Variants in BTAF1 observed in about 807,000 individuals in gnomAD.
BTAF1 encodes B-TFIID TATA-box binding protein associated factor 1.
Under a neutral mutation model 227.1 loss-of-function variants are expected in BTAF1, and 38 were observed. The observed-to-expected ratio is 0.17, with a 90% CI of 0.13 to 0.22. The LOEUF (loss-of-function observed/expected upper bound fraction) is 0.22. Ranked by LOEUF, BTAF1 falls within the 10% of genes least tolerant of loss-of-function variation. BTAF1 has a pLI of 1.00. For missense variants in BTAF1, 1,598 were observed against 2,204.0 expected (o/e 0.73, Z 5.51); for synonymous variants, 742 against 751.9 (o/e 0.99, Z 0.21).
At chr10:91,988,368 T>C (rs1848544040) in intron 19 of BTAF1, among the ~76,000 whole-genome samples, 3 of 152,250 alleles carry the variant, frequency 2.0e-5, no homozygotes, top group Non-Finnish European at 4.4e-5. Flanking sequence ...TTTAGGACAA[T>C]GTTTTTAAAC....
rs542449492 is a variant in BTAF1 at position 91,954,976 on chromosome 10, A to T, written c.701+1103A>T. 2.0e-5 allele frequency among the ~76,000 whole-genome samples: 3 copies of T among 152,372 alleles called. No individual in the cohort carries two copies. In the East Asian group the frequency reaches 5.8e-4, roughly 29 times the overall value. The stretch of plus-strand genomic sequence containing the variant: ...AAGCCTCGGAAAATAGGATTTGCAA[A>T]TGACAGAACTTTTTGTTATATGTAT... On this transcript the variant is annotated intron_variant, in intron 6 of 37. Transcript: ENST00000265990.
intron 14 of BTAF1, among the ~76,000 whole-genome samples, chr10:91,975,001 T>C (rs924914034): frequency 1.3e-5 from 2 of 152,252 alleles, no homozygotes; most frequent in African/African-American, 4.8e-5. Context: ...AGTGTGTTTG[T>C]ACGTGCTAGA....
chr10:91,970,430 G>A (rs1847208911), intron 14 of BTAF1, among the ~76,000 whole-genome samples: 1 of 152,184 alleles, frequency 6.6e-6, no homozygotes, highest in Admixed American at 6.5e-5. Flanking sequence ...GGTTGGGGAA[G>A]CCTCACAATC....
chr10:91,954,957 C>T (rs913186730), intron 6 of BTAF1, among the ~76,000 whole-genome samples: 1 of 152,042 alleles, frequency 6.6e-6, no homozygotes, highest in Non-Finnish European at 1.5e-5. Context: ...TAAAAAGCCT[C>T]GGAAAATAGG....
chr10:91,951,540 TCAG>T lies in BTAF1; in HGVS notation c.541_543del (p.Ala181del). On this transcript the variant is annotated inframe_deletion, in exon 5 of 38. Transcript: ENST00000265990. ...TGAGGATTTGGATTATACCCCAACT[TCAG>T]CATCCTTTGTTAACAAACAACCTGT... 1 of 1,603,510 alleles carries T rather than the reference TCAG, an allele frequency of 6.2e-7. No homozygotes were observed. The highest frequency in any genetic ancestry group is 8.5e-7 in the Non-Finnish European group (1 of 1,176,952).
At position 91,948,863 on chromosome 10, in the gene BTAF1, G is replaced by A. The variant is rs1048978566; in HGVS notation, c.401-2540G>A. ...TGGGCTGAAGCAATCCTCCTGCCTC[G>A]GCCTCCCAGACGGTTGGGATTACAG... On this transcript the variant is annotated intron_variant, in intron 4 of 37. Transcript: ENST00000265990. 5.7e-4 allele frequency among the ~76,000 whole-genome samples: 87 copies of A among 151,926 alleles called. 1 individual carries two copies. The highest frequency in any genetic ancestry group is 1.9e-4 in the Non-Finnish European group (13 of 68,002).
chr10:92,017,945 T>A (rs1850855292), intron 33 of BTAF1, among the ~76,000 whole-genome samples: 1 of 152,196 alleles, frequency 6.6e-6, no homozygotes, highest in South Asian at 2.1e-4. Flanking sequence ...AAAGTGTGGC[T>A]GAATCAGAGA....
intron 14 of BTAF1, among the ~76,000 whole-genome samples, chr10:91,971,811 A>G (rs2133943350): frequency 6.8e-6 from 1 of 147,744 alleles, no homozygotes; most frequent in East Asian, 2.0e-4. Flanking sequence ...TAATACTACC[A>G]CCTATTTCCT....
Position 92,027,136 on chromosome 10 carries a change from G to A in BTAF1, c.5242G>A (p.Val1748Met). 1 of 1,609,010 alleles carries A rather than the reference G, an allele frequency of 6.2e-7. No individual in the cohort carries two copies. Among genetic ancestry groups the A allele is most frequent in the Non-Finnish European group, 8.5e-7 (1 of 1,178,546 alleles). ...AACTGTTTTTCTTATCCAGAAACGT[G>A]TGGTTAACGTATACCGATTGATAAC... ...DRAHRIGQKR[V>M]VNVYRLITRG... The change falls in exon 37 of 38, where the codon GTG becomes ATG. Residue 1748 changes from valine (V) to methionine (M), a missense_variant. This residue lies in a region of BTAF1 where 20 missense variants were observed against 56.8 expected (regional missense o/e 0.35). Transcript: ENST00000265990.
intron 14 of BTAF1, among the ~76,000 whole-genome samples, chr10:91,974,639 G>C (rs1847555162): frequency 6.6e-6 from 1 of 152,136 alleles, no homozygotes; most frequent in South Asian, 2.1e-4. Flanking sequence ...ATCACTTGAG[G>C]TCAGGAGTTT....
intron 5 of BTAF1, 91 bp downstream of exon 5, chr10:91,951,657 A>G: frequency 2.9e-6 from 4 of 1,365,676 alleles, no homozygotes; most frequent in Non-Finnish European, 3.9e-6. Context: ...AGAAAATGTT[A>G]TACTTAGCTC....
intron 1 of BTAF1, among the ~76,000 whole-genome samples, chr10:91,924,690 C>T (rs936926298): frequency 1.3e-5 from 2 of 152,178 alleles, no homozygotes; most frequent in Non-Finnish European, 2.9e-5. Context: ...GAAGATAAAT[C>T]ACAGATCTTA....
In BTAF1 at chr10:91,939,991, A is replaced by G; in HGVS notation, c.178A>G (p.Ile60Val). Residue 60 changes from isoleucine (I) to valine (V), a missense_variant, in exon 3 of 38, where the codon ATT becomes GTT. By Grantham distance (29) the Ile-to-Val change is conservative (BLOSUM62 3). Transcript: ENST00000265990. ...YLRSANWDTR[I>V]AAGQAVEAIV... ...AAGGAGTGCAAATTGGGATACCCGG[A>G]TTGCAGCAGGACAAGCTGTTGAAGC... 1 of 1,613,186 alleles carries G rather than the reference A, an allele frequency of 6.2e-7. No homozygotes were observed. Among genetic ancestry groups the G allele is most frequent in the South Asian group, 1.1e-5 (1 of 90,984 alleles).
Position 91,991,271 on chromosome 10 carries a change from A to AATATATATATATATATAT in BTAF1, c.2855-844_2855-827dup, listed in dbSNP as rs3980612. ...AAAAAAATATATAAATATAAATATA[A>AATATATATATATATATAT]ATATATATATATATATATATAAATT... On this transcript the variant is annotated intron_variant, in intron 20 of 37. Coordinates refer to ENST00000265990, the MANE Select transcript of BTAF1 (RefSeq NM_003972.3). 1.5e-4 allele frequency among the ~76,000 whole-genome samples: 10 copies of AATATATATATATATATAT among 66,230 alleles called. No individual in the cohort carries two copies. The South Asian group carries it at 1.8e-3, about 12-fold the overall frequency. 43.4% of individuals were successfully genotyped at this position (66,230 alleles called of 152,430 possible). A position where few individuals can be genotyped will look rare whatever the true frequency, so the allele number is the denominator to read the frequency against.
intron 4 of BTAF1, among the ~76,000 whole-genome samples, chr10:91,947,560 T>C (rs2133840825): frequency 6.6e-6 from 1 of 152,288 alleles, no homozygotes. Flanking sequence ...TTCTATTCCA[T>C]TGATGTCTAT....
intron 30 of BTAF1, among the ~76,000 whole-genome samples, chr10:92,012,438 C>T (rs1261218188): frequency 1.4e-5 from 2 of 146,236 alleles, no homozygotes; most frequent in African/African-American, 2.5e-5. Context: ...CTAATAACCG[C>T]AAGAGATAAT....
At chr10:91,963,139 ACT>A (rs1189082861) in intron 12 of BTAF1, among the ~76,000 whole-genome samples, 2 of 151,494 alleles carry the variant, frequency 1.3e-5, no homozygotes, top group East Asian at 4.0e-4. Context: ...CTTGGGTCTC[ACT>A]CTGTCACCCA....
chr10:92,008,674 A>T (rs1347337715), intron 26 of BTAF1, among the ~76,000 whole-genome samples, 155 bp from the exon 27 acceptor site: 1 of 152,190 alleles, frequency 6.6e-6, no homozygotes, highest in African/African-American at 2.4e-5. Flanking sequence ...AAATCGATTT[A>T]GTAAAATCTT....
At chr10:91,970,820 A>G (rs961714059) in intron 14 of BTAF1, among the ~76,000 whole-genome samples, 1 of 152,258 alleles carries the variant, frequency 6.6e-6, no homozygotes, top group African/African-American at 2.4e-5. Flanking sequence ...GATGTCAGAC[A>G]GCAGCATTAA....
Sources: gnomAD v4.1 joint callset for allele counts (sites outside exome capture counted in the v4.1 genomes callset) on GRCh38, gnomAD v4.1.1 for gene constraint, gnomAD v4.1.1 regional missense constraint, MANE v1.5 for transcripts, NCBI Gene and HGNC (gene_info 2026-07-23, HGNC 2026-07-21) for gene names.